Variants in CAPN5 observed in about 807,000 individuals in gnomAD.
CAPN5 encodes calpain-5.
CAPN5 carries 54 observed loss-of-function variants against 73.0 expected under a neutral mutation model. That is an observed-to-expected ratio of 0.74 (90% CI 0.59 to 0.93). CAPN5 has a LOEUF of 0.93. CAPN5 is among the 40% of genes least tolerant of loss of function. CAPN5 has a pLI of 0.00. For synonymous variants in CAPN5, 335 were observed against 356.9 expected, an observed-to-expected ratio of 0.94 and a Z score of 0.69; for missense variants, 785 against 882.9, an observed-to-expected ratio of 0.89 and a Z score of 1.41.
Position 77,112,669 on chromosome 11 carries a change from G to T in CAPN5, c.378G>T (p.Trp126Cys), listed in dbSNP as rs200995787. The T allele has an allele frequency of 1.7e-4, 272 of 1,614,108 alleles. No homozygotes were observed. The highest frequency in any genetic ancestry group is 2.9e-5 in the Non-Finnish European group (34 of 1,180,048). The change falls in exon 4 of 13, where the codon TGG becomes TGT. Residue 126 changes from tryptophan to cysteine, a missense_variant. Physicochemically the swap from Trp to Cys is radical, Grantham distance 215. Coordinates refer to ENST00000648180, the MANE Select transcript of CAPN5 (RefSeq NM_004055.5). ...CGGGCATCTTCCACTTCCACTTCTGGCGCTTCGGGGAATGGGTGGACGTGG... is the reference window on the plus strand; with the variant it reads ...CGGGCATCTTCCACTTCCACTTCTGTCGCTTCGGGGAATGGGTGGACGTGG... ...AYAGIFHFHF[W>C]RFGEWVDVVI... is the part of the protein sequence containing the mutation.
At chr11:77,071,223 C>A (rs532066577) in intron 1 of CAPN5, among the ~76,000 whole-genome samples, 26 of 152,330 alleles carry the variant, frequency 1.7e-4, no homozygotes, top group Admixed American at 1.7e-3. Flanking sequence ...TCCCCTCCAG[C>A]CTGGGAGCCT....
At chr11:77,121,590 C>G (rs1950520861) in intron 10 of CAPN5, among the ~76,000 whole-genome samples, 2 of 152,248 alleles carry the variant, frequency 1.3e-5, no homozygotes, top group African/African-American at 2.4e-5. Context: ...GGTGAGCCTG[C>G]TGCTTCCTCA....
chr11:77,118,161 A>G lies in CAPN5; in HGVS notation c.976A>G (p.Thr326Ala). The change falls in exon 8 of 13, where the codon ACC (threonine) becomes GCC (alanine). Residue 326 changes from threonine to alanine, a missense_variant. Thr to Ala is a moderately conservative substitution (Grantham distance 58, BLOSUM62 0). Transcript: ENST00000648180. ...TVQDDGEFWM[T>A]FEDVCRYFTD... ...TCAGCCCCTCCCCACATCCAGGATG[A>G]CCTTCGAGGACGTGTGCCGGTACTT... 1 of 1,610,500 alleles carries G rather than the reference A, an allele frequency of 6.2e-7. No homozygotes were observed. The highest frequency in any genetic ancestry group is 8.5e-7 in the Non-Finnish European group (1 of 1,177,640).
At position 77,123,946 on chromosome 11, in the gene CAPN5, G is replaced by A. The variant is rs1950549696; in HGVS notation, c.*76G>A. 5 of 1,425,446 alleles carry A rather than the reference G, an allele frequency of 3.5e-6. No homozygotes were observed. In the East Asian group the frequency reaches 9.2e-5, roughly 26 times the overall value. 88.3% of individuals were successfully genotyped at this position (1,425,446 alleles called of 1,614,324 possible). A position where few individuals can be genotyped will look rare whatever the true frequency, so the allele number is the denominator to read the frequency against. ...CCCACTGGGCCTGAGTCTAGCCTGG[G>A]AGCCAGGATACTGGGGTCCTTTTCC... On this transcript the variant is annotated 3_prime_UTR_variant, in exon 13 of 13. Coordinates refer to ENST00000648180, the MANE Select transcript of CAPN5 (RefSeq NM_004055.5).
chr11:77,090,358 A>C (rs1950136195), intron 2 of CAPN5, among the ~76,000 whole-genome samples: 1 of 152,176 alleles, frequency 6.6e-6, no homozygotes, highest in African/African-American at 2.4e-5. Context: ...CGTGACTCCC[A>C]AGCTCGGTCT....
chr11:77,111,932 G>A (rs1950414080), intron 3 of CAPN5, among the ~76,000 whole-genome samples: 1 of 152,106 alleles, frequency 6.6e-6, no homozygotes, highest in African/African-American at 2.4e-5. Context: ...CTGGAGCAGG[G>A]AGCAGGGGTG....
intron 1 of CAPN5, among the ~76,000 whole-genome samples, chr11:77,074,117 T>C (rs1555033586): frequency 6.6e-6 from 1 of 152,118 alleles, no homozygotes; most frequent in African/African-American, 2.4e-5. Flanking sequence ...AGGGGATAAA[T>C]ACATTAACAA....
intron 2 of CAPN5, among the ~76,000 whole-genome samples, chr11:77,086,816 C>T (rs893022703): frequency 6.6e-6 from 1 of 152,196 alleles, no homozygotes; most frequent in Non-Finnish European, 1.5e-5. Context: ...TGAGGCCTGG[C>T]GGGAGCAGGC....
intron 3 of CAPN5, among the ~76,000 whole-genome samples, chr11:77,105,143 G>T (rs1950331259): frequency 6.6e-6 from 1 of 151,516 alleles, no homozygotes; most frequent in Non-Finnish European, 1.5e-5. Context: ...CAGCCTATCT[G>T]TCCCGGGGCC....
intron 1 of CAPN5, among the ~76,000 whole-genome samples, chr11:77,068,225 G>C (rs557604805): frequency 1.3e-5 from 2 of 152,230 alleles, no homozygotes; most frequent in African/African-American, 4.8e-5. Flanking sequence ...GGCTGCCTTT[G>C]CCTCCTGGGC....
At chr11:77,084,827 A>G (rs1555035133) in intron 1 of CAPN5, 25 bp from the exon 2 acceptor site, 35 of 1,605,130 alleles carry the variant, frequency 2.2e-5, no homozygotes, top group Non-Finnish European at 3.0e-5. Flanking sequence ...TCTGTGAGTG[A>G]CCGTCTTCTT....
intron 7 of CAPN5, among the ~76,000 whole-genome samples, chr11:77,117,312 G>A (rs1555041936): frequency 6.6e-6 from 1 of 152,208 alleles, no homozygotes; most frequent in Non-Finnish European, 1.5e-5. Context: ...CCTGAATGTG[G>A]GCTAGGCTCA....
rs552151166 is a variant in CAPN5 at position 77,083,942 on chromosome 11, AG to A, written c.-35-908del. The stretch of plus-strand genomic sequence containing the variant: ...TGGAAATTGTGGCCTTTACCCCAAA[AG>A]GATTGCACTGTTACCCTGGGCAGGC... On this transcript the variant is annotated intron_variant, in intron 1 of 12. Coordinates refer to ENST00000648180, the MANE Select transcript of CAPN5 (RefSeq NM_004055.5). Among the ~76,000 whole-genome samples the A allele has an allele frequency of 3.9e-5, 6 of 152,248 alleles. No individual in the cohort carries two copies. The East Asian group carries it at 1.2e-3, about 29-fold the overall frequency.
At chr11:77,081,781 C>T (rs1254648800) in intron 1 of CAPN5, among the ~76,000 whole-genome samples, 1 of 152,110 alleles carries the variant, frequency 6.6e-6, no homozygotes, top group East Asian at 1.9e-4. Flanking sequence ...TGGCACCCAG[C>T]TGTCAGGGAG....
rs1316748325 is a variant in CAPN5, at chr11:77,105,429, G to C, written c.298-7160G>C. On this transcript the variant is annotated intron_variant, in intron 3 of 12. Coordinates refer to ENST00000648180, the MANE Select transcript of CAPN5 (RefSeq NM_004055.5). ...TAGCCCCAGAGCTGCCTCCGTGTTG[G>C]GTGTGCAGAGAGCTGTGCTGAGGGA... is the stretch of plus-strand genomic sequence containing the variant. Among the ~76,000 whole-genome samples, 8 of 152,172 alleles carry C rather than the reference G, an allele frequency of 5.3e-5. No homozygotes were observed. In the East Asian group the frequency reaches 1.6e-3, roughly 30 times the overall value.
intron 3 of CAPN5, among the ~76,000 whole-genome samples, chr11:77,102,441 G>A (rs1325514142): frequency 6.6e-6 from 1 of 152,194 alleles, no homozygotes; most frequent in Non-Finnish European, 1.5e-5. Flanking sequence ...TACCTCCAGT[G>A]AGGAGTGGTC....
chr11:77,113,380 C>A (rs1555041080), intron 4 of CAPN5, among the ~76,000 whole-genome samples: 1 of 152,200 alleles, frequency 6.6e-6, no homozygotes, highest in Non-Finnish European at 1.5e-5. Context: ...CTGTGGGGAA[C>A]CCTGGGGAAG....
At chr11:77,110,665 C>T (rs575903450) in intron 3 of CAPN5, among the ~76,000 whole-genome samples, 1 of 152,246 alleles carries the variant, frequency 6.6e-6, no homozygotes, top group Admixed American at 6.5e-5. Flanking sequence ...CTGTGCCTGG[C>T]ACCCAACAGG....
In CAPN5 at chr11:77,085,020, CG is replaced by C. The variant is rs1565259910; in HGVS notation, c.138del (p.Ala48ProfsTer115). The C allele has an allele frequency of 6.2e-7, 1 of 1,613,502 alleles. No homozygotes were observed. Among genetic ancestry groups the C allele is most frequent in the Non-Finnish European group, 8.5e-7 (1 of 1,180,018 alleles). On this transcript the variant is annotated frameshift_variant, in exon 2 of 13. Transcript: ENST00000648180. LOFTEE classifies it high-confidence loss of function. ...GACTCACTCTACTATAAGGGCACGC[CG>C]GGGCCCGCCGTCAGGTGGAAGCGAC... ...TDDSLYYKGT[P>X]GPAVRWKRPK...
Sources: gnomAD v4.1 joint callset for allele counts (sites outside exome capture counted in the v4.1 genomes callset) on GRCh38, gnomAD v4.1.1 for gene constraint, MANE v1.5 for transcripts, NCBI Gene and HGNC (gene_info 2026-07-23, HGNC 2026-07-21) for gene names.